ATP2C1: variants seen among roughly 807,000 people sequenced by gnomAD.
The protein encoded by ATP2C1 is calcium-transporting ATPase type 2C member 1.
ATP2C1 carries 31 observed loss-of-function variants against 120.5 expected under a neutral mutation model. That is an observed-to-expected ratio of 0.26 (90% CI 0.19 to 0.35). The LOEUF is 0.35. ATP2C1 is among the 10% of genes least tolerant of loss of function. The pLI is 1.00. For missense variants in ATP2C1, 731 were observed against 1,107.5 expected, an observed-to-expected ratio of 0.66 and a Z score of 4.83; for synonymous variants, 351 against 358.7, an observed-to-expected ratio of 0.98 and a Z score of 0.24.
chr3:130,967,120 A>G, intron 14 of ATP2C1, 25 bp from the exon 15 acceptor site: 1 of 1,570,878 alleles, frequency 6.4e-7, no homozygotes, highest in Non-Finnish European at 8.8e-7. Context: ...TGTTTGTATT[A>G]TTGATCCCAC....
intron 1 of ATP2C1, among the ~76,000 whole-genome samples, chr3:130,861,552 C>A (rs1262259148): frequency 6.6e-6 from 1 of 152,178 alleles, no homozygotes; most frequent in African/African-American, 2.4e-5. Flanking sequence ...AACGTTCATA[C>A]TGATGAGGGT....
intron 27 of ATP2C1, among the ~76,000 whole-genome samples, chr3:131,000,668 G>T (rs894933280): frequency 6.6e-6 from 1 of 152,190 alleles, no homozygotes; most frequent in African/African-American, 2.4e-5. Context: ...AGTGGTCAGA[G>T]GACTTGGGTT....
intron 14 of ATP2C1, among the ~76,000 whole-genome samples, chr3:130,966,477 TC>T (rs2061052403): frequency 6.6e-6 from 1 of 152,120 alleles, no homozygotes; most frequent in Non-Finnish European, 1.5e-5. Context: ...CCCAGGCTGG[TC>T]TTGAACTCCT....
intron 26 of ATP2C1, among the ~76,000 whole-genome samples, chr3:131,015,522 C>T (rs961229603): frequency 6.6e-6 from 1 of 152,188 alleles, no homozygotes; most frequent in African/African-American, 2.4e-5. Context: ...CACATAGGCT[C>T]AACTCCCTTA....
intron 2 of ATP2C1, among the ~76,000 whole-genome samples, chr3:130,905,951 C>G (rs55812909): frequency 6.6e-6 from 1 of 151,976 alleles, no homozygotes; most frequent in Non-Finnish European, 1.5e-5. Context: ...TCATGCCCAT[C>G]GACTAAATCT....
Position 130,953,676 on chromosome 3 carries a change from G to C in ATP2C1, c.532-145G>C. On this transcript the variant is annotated intron_variant, in intron 8 of 27. Coordinates refer to ENST00000510168, the MANE Select transcript of ATP2C1 (RefSeq NM_001378687.1). ...TTTAAAATATGATTGTACTGATTCT[G>C]GTCTTTTAGAGTGATGGTTTTGATA... is the stretch of plus-strand genomic sequence containing the variant. 8 of 833,354 alleles carry C rather than the reference G, an allele frequency of 9.6e-6. No individual in the cohort carries two copies. In the South Asian group the frequency reaches 1.1e-4, roughly 12 times the overall value. 51.6% of individuals were successfully genotyped at this position (833,354 alleles called of 1,614,324 possible). A position where few individuals can be genotyped will look rare whatever the true frequency, so the allele number is the denominator to read the frequency against.
rs1433278214 is a variant in ATP2C1, at chr3:131,002,675, A to C, written c.*1325A>C. ...AACAAAAATTGGTCCCAATTCTAAC[A>C]GGTTTAATCCTTCTTGAAGCCAATA... On this transcript the variant is annotated 3_prime_UTR_variant, in exon 28 of 28. Transcript: ENST00000510168. 1.5e-5 allele frequency: 15 copies of C among 985,418 alleles called. No homozygotes were observed. In the East Asian group the frequency reaches 1.6e-3, roughly 104 times the overall value. 61.0% of individuals were successfully genotyped at this position (985,418 alleles called of 1,614,324 possible).
intron 7 of ATP2C1, 134 bp from the exon 8 acceptor site, chr3:130,941,453 TTAAG>T (rs2059916268): frequency 7.2e-6 from 5 of 697,430 alleles, no homozygotes; most frequent in Non-Finnish European, 1.3e-5. Context: ...TCTTGGCATC[TTAAG>T]TGTTTAGAAA....
At chr3:130,916,863 T>C (rs2058713444) in intron 2 of ATP2C1, among the ~76,000 whole-genome samples, 1 of 152,204 alleles carries the variant, frequency 6.6e-6, no homozygotes, top group Non-Finnish European at 1.5e-5. Flanking sequence ...TTACTCATGT[T>C]GAGGATTGGT....
At position 130,894,901 on chromosome 3, in the gene ATP2C1, T is replaced by TC. The variant is rs2069458089; in HGVS notation, c.6+128dup. 1 of 1,057,130 alleles carries TC rather than the reference T, an allele frequency of 9.5e-7. No individual in the cohort carries two copies. The highest frequency in any genetic ancestry group is 1.5e-6 in the Non-Finnish European group (1 of 674,850). 65.5% of individuals were successfully genotyped at this position (1,057,130 alleles called of 1,614,324 possible). On this transcript the variant is annotated intron_variant, in intron 2 of 27. Transcript: ENST00000510168. The surrounding 1 kb of genome is among the most constrained non-coding windows in gnomAD (Gnocchi z 4.5). ...ATTTATTTACTGTGTATGTGAAGTG[T>TC]CCAAGGATTTGCTTACTTAGGGTAT...
chr3:130,952,443 C>T (rs1371410265), intron 8 of ATP2C1, among the ~76,000 whole-genome samples: 2 of 152,094 alleles, frequency 1.3e-5, no homozygotes. Context: ...GGTTTTTATG[C>T]TCAGAAGTGA....
At position 130,936,883 on chromosome 3, in the gene ATP2C1, C is replaced by T. The variant is rs889726008; in HGVS notation, c.325-545C>T. ...AAAGAAAAAATGCTCCTCCCTTTTC[C>T]ACCGTATCTGTATGGGGCTGGATTT... On this transcript the variant is annotated intron_variant, in intron 5 of 27. Coordinates refer to ENST00000510168, the MANE Select transcript of ATP2C1 (RefSeq NM_001378687.1). Among the ~76,000 whole-genome samples, 120 of 151,396 alleles carry T rather than the reference C, an allele frequency of 7.9e-4. 1 individual carries two copies. The highest frequency in any genetic ancestry group is 2.8e-3 in the African/African-American group (117 of 41,316).
intron 20 of ATP2C1, among the ~76,000 whole-genome samples, chr3:130,990,384 A>AG (rs2062271739): frequency 6.7e-6 from 1 of 150,326 alleles, no homozygotes; most frequent in Non-Finnish European, 1.5e-5. Flanking sequence ...TTGACAGAAG[A>AG]GGGACCCATG....
In ATP2C1 at chr3:131,002,964, C is replaced by T. The variant is rs1016117072; in HGVS notation, c.*1614C>T. 2.1e-5 allele frequency: 21 copies of T among 985,370 alleles called. No individual in the cohort carries two copies. The Admixed American group carries it at 4.3e-4, about 20-fold the overall frequency. The allele number at this position is 985,370 out of a possible 1,614,324, so 61.0% of individuals were successfully genotyped here. A position where few individuals can be genotyped will look rare whatever the true frequency, so the allele number is the denominator to read the frequency against. ...GTCTAATCAACTCTATCATTAGTGA[C>T]TTGATGTCTCATACCTTAATTTTGT... On this transcript the variant is annotated 3_prime_UTR_variant, in exon 28 of 28. Transcript: ENST00000510168.
At position 130,965,553 on chromosome 3, in the gene ATP2C1, A is replaced by G. The variant is rs1163084636; in HGVS notation, c.1122+508A>G. ...GAACTGTGGCGTCTCAAAGCCGTAC[A>G]TGTTCTGTCCCTTATTTTCTCCTCT... On this transcript the variant is annotated intron_variant, in intron 14 of 27. Transcript: ENST00000510168. Among the ~76,000 whole-genome samples, 3 of 152,206 alleles carry G rather than the reference A, an allele frequency of 2.0e-5. No homozygotes were observed. In the East Asian group the frequency reaches 5.8e-4, roughly 29 times the overall value.
At chr3:131,009,966 T>C (rs995861832) in intron 26 of ATP2C1, among the ~76,000 whole-genome samples, 2 of 152,084 alleles carry the variant, frequency 1.3e-5, no homozygotes, top group Admixed American at 6.5e-5. Flanking sequence ...CTGGTCTTGG[T>C]AGTGACAGCT....
intron 2 of ATP2C1, among the ~76,000 whole-genome samples, chr3:130,914,112 T>C (rs1406282636): frequency 6.6e-6 from 1 of 152,190 alleles, no homozygotes; most frequent in African/African-American, 2.4e-5. Flanking sequence ...CAACTGTTAC[T>C]GTGATAACAT....
upstream of ATP2C1, among the ~76,000 whole-genome samples, chr3:130,893,652 G>C (rs1214562008): frequency 6.6e-6 from 1 of 152,254 alleles, no homozygotes; most frequent in Non-Finnish European, 1.5e-5. Context: ...ACTTTGTAGA[G>C]AGCGCTTAAA....
chr3:130,970,369 TACACACACACACACACAC>T lies in ATP2C1; in HGVS notation c.1413+994_1413+1011del, dbSNP rs201337484. ...GCAACAGCCTGTCTAAAAAAAAAATTACACACACACACACACACACACACACACACACACACACCCTTA... is the reference window on the plus strand; with the variant it reads ...GCAACAGCCTGTCTAAAAAAAAAATTACACACACACACACACACACCCTTA... On this transcript the variant is annotated intron_variant, in intron 17 of 27. Transcript: ENST00000510168. 2.3e-5 allele frequency among the ~76,000 whole-genome samples: 3 copies of T among 130,696 alleles called. No homozygotes were observed. The Admixed American group carries it at 2.3e-4, about 10-fold the overall frequency. 85.7% of individuals were successfully genotyped at this position (130,696 alleles called of 152,430 possible). A position where few individuals can be genotyped will look rare whatever the true frequency, so the allele number is the denominator to read the frequency against.
Sources: gnomAD v4.1 joint callset for allele counts (sites outside exome capture counted in the v4.1 genomes callset) on GRCh38, gnomAD v4.1.1 for gene constraint, Gnocchi (gnomAD v3.1) non-coding constraint, MANE v1.5 for transcripts, NCBI Gene and HGNC (gene_info 2026-07-23, HGNC 2026-07-21) for gene names.